The following EXT2 variants were observed in gnomAD, a reference collection of about 807,000 sequenced individuals.
The protein encoded by EXT2 is exostosin-2.
EXT2 carries 53 observed loss-of-function variants against 81.6 expected under a neutral mutation model. That is an observed-to-expected ratio of 0.65 (90% confidence interval 0.52 to 0.82). The LOEUF (loss-of-function observed/expected upper bound fraction) is 0.82. Among genes scored for constraint, EXT2 ranks in the 40% least tolerant of loss-of-function variants. The pLI, the probability that EXT2 is intolerant of heterozygous loss-of-function variation, is 0.00. For synonymous variants in EXT2, 320 were observed against 340.0 expected (o/e 0.94, Z 0.65); for missense variants, 774 against 910.2 (o/e 0.85, Z 1.93).
At chr11:44,195,512 C>A (rs1380326899) in intron 8 of EXT2, among the ~76,000 whole-genome samples, 1 of 152,086 alleles carries the variant, frequency 6.6e-6, no homozygotes, top group East Asian at 1.9e-4. Context: ...ATGTTGTGGA[C>A]ATTTTGGCTT....
intron 12 of EXT2, among the ~76,000 whole-genome samples, chr11:44,235,574 A>G (rs181525294): frequency 6.6e-6 from 1 of 152,076 alleles, no homozygotes; most frequent in Admixed American, 6.5e-5. Flanking sequence ...ATGCTTCAAC[A>G]TGTTTTTAGC....
intron 8 of EXT2, among the ~76,000 whole-genome samples, chr11:44,196,823 CT>C (rs1179261400): frequency 3.3e-5 from 5 of 152,088 alleles, no homozygotes; most frequent in Non-Finnish European, 7.4e-5. Context: ...TTCTAAGTTC[CT>C]TTTTTTCTTT....
intron 8 of EXT2, among the ~76,000 whole-genome samples, chr11:44,185,877 G>A (rs1175499004): frequency 1.3e-5 from 2 of 152,206 alleles, no homozygotes; most frequent in African/African-American, 4.8e-5. Flanking sequence ...ATCAGAGAAT[G>A]AGCTACTCTT....
intron 5 of EXT2, among the ~76,000 whole-genome samples, chr11:44,125,213 G>A (rs1954382941): frequency 6.6e-6 from 1 of 152,172 alleles, no homozygotes; most frequent in African/African-American, 2.4e-5. Context: ...ACTCCTTTCA[G>A]ATATTCATTA....
chr11:44,162,932 T>C (rs1954946248), intron 7 of EXT2, among the ~76,000 whole-genome samples: 1 of 152,184 alleles, frequency 6.6e-6, no homozygotes. Flanking sequence ...ATTAACAAAA[T>C]AAATATTTTA....
At chr11:44,133,774 G>A (rs1954527278) in intron 7 of EXT2, among the ~76,000 whole-genome samples, 1 of 152,116 alleles carries the variant, frequency 6.6e-6, no homozygotes, top group Non-Finnish European at 1.5e-5. Flanking sequence ...AGAAATGTGG[G>A]GTAGGGTCTT....
At chr11:44,201,526 A>G (rs1955521965) in intron 9 of EXT2, among the ~76,000 whole-genome samples, 1 of 152,214 alleles carries the variant, frequency 6.6e-6, no homozygotes, top group Non-Finnish European at 1.5e-5. Flanking sequence ...AGAAATCAGC[A>G]CAGATCTTTC....
chr11:44,157,563 C>A (rs1446200623), intron 7 of EXT2, among the ~76,000 whole-genome samples: 3 of 152,188 alleles, frequency 2.0e-5, no homozygotes, highest in Non-Finnish European at 2.9e-5. Flanking sequence ...AGTCAAGGCT[C>A]AAGGGCTCTT....
intron 7 of EXT2, among the ~76,000 whole-genome samples, chr11:44,160,963 A>G (rs1189666436): frequency 6.6e-6 from 1 of 152,030 alleles, no homozygotes; most frequent in East Asian, 1.9e-4. Flanking sequence ...TTATTCATTA[A>G]TTACTTCTAC....
At chr11:44,162,327 G>T (rs1476096144) in intron 7 of EXT2, among the ~76,000 whole-genome samples, 1 of 152,176 alleles carries the variant, frequency 6.6e-6, no homozygotes, top group Non-Finnish European at 1.5e-5. Context: ...TGTAATCCCA[G>T]GACTTTGGGG....
intron 7 of EXT2, among the ~76,000 whole-genome samples, chr11:44,158,304 A>G (rs1232430374): frequency 6.6e-6 from 1 of 152,138 alleles, no homozygotes; most frequent in East Asian, 1.9e-4. Context: ...TGTGGCCTGG[A>G]CTGCCTTTCA....
chr11:44,102,922 C>T (rs1248256238), intron 1 of EXT2, among the ~76,000 whole-genome samples: 3 of 151,756 alleles, frequency 2.0e-5, no homozygotes, highest in African/African-American at 4.8e-5. Flanking sequence ...CTTATTGCTT[C>T]GTACAGTTTA....
In EXT2 at chr11:44,244,353, A is replaced by T. The variant is rs1956073983; in HGVS notation, c.*66A>T. ...GAGGGAGAGAACAAGGCCTCCCAGC[A>T]CTCTGATGTCAGAGTAGTAGGTTAA... On this transcript the variant is annotated 3_prime_UTR_variant, in exon 14 of 14. Coordinates refer to ENST00000533608, the MANE Select transcript of EXT2 (RefSeq NM_207122.2). 1.3e-6 allele frequency: 2 copies of T among 1,567,106 alleles called. No individual in the cohort carries two copies. The highest frequency in any genetic ancestry group is 4.5e-5 in the East Asian group (2 of 44,608).
intron 10 of EXT2, among the ~76,000 whole-genome samples, chr11:44,211,908 A>AT (rs1454202081): frequency 6.6e-6 from 1 of 152,200 alleles, no homozygotes; most frequent in East Asian, 1.9e-4. Flanking sequence ...TAAGAATAAC[A>AT]TTTTTTAAAA....
chr11:44,219,215 C>T (rs11037902), intron 10 of EXT2, among the ~76,000 whole-genome samples: 3,927 of 152,184 alleles, frequency 0.026, 181 homozygotes, highest in African/African-American at 0.089. Context: ...TAAAAACTAG[C>T]AGATGACTGA....
chr11:44,107,320 C>T (rs1022633970), intron 1 of EXT2, among the ~76,000 whole-genome samples: 5 of 151,990 alleles, frequency 3.3e-5, no homozygotes, highest in East Asian at 1.9e-4. Flanking sequence ...AGAGGCTGGG[C>T]GCGGTGGCTT....
chr11:44,193,777 A>T (rs1455932777), intron 8 of EXT2, among the ~76,000 whole-genome samples: 1 of 152,128 alleles, frequency 6.6e-6, no homozygotes, highest in Non-Finnish European at 1.5e-5. Flanking sequence ...GCTCCTTTCC[A>T]TGCTGTCCAT....
At chr11:44,096,392 GTGACCGGGAACTAGA>G (rs1953897503) in intron 1 of EXT2, 1 of 1,457,028 alleles carries the variant, frequency 6.9e-7, no homozygotes, top group Admixed American at 2.0e-5. Flanking sequence ...CGGGGACTGG[GTGACCGGGAACTAGA>G]TGGCCGGGGG....
rs941605447 is a variant in EXT2 at position 44,248,476 on chromosome 11, A to G, written c.*4189A>G. The stretch of plus-strand genomic sequence containing the variant: ...CTCCTGTCCTCGGCCTGTGTTTGGT[A>G]CTCACCCACTTTCTACTTCTGAGTA... On this transcript the variant is annotated 3_prime_UTR_variant, in exon 14 of 14. Transcript: ENST00000533608. Among the ~76,000 whole-genome samples, 1 of 151,986 alleles carries G rather than the reference A, an allele frequency of 6.6e-6. No homozygotes were observed. Among genetic ancestry groups the G allele is most frequent in the Non-Finnish European group, 1.5e-5 (1 of 67,982 alleles).
Sources: allele counts gnomAD v4.1 joint callset (sites outside exome capture counted in the v4.1 genomes callset), GRCh38; gene constraint gnomAD v4.1.1; transcripts MANE v1.5; gene names NCBI Gene and HGNC (gene_info 2026-07-23, HGNC 2026-07-21).